WDR41: variants seen among roughly 807,000 people sequenced by gnomAD.
WDR41 encodes the protein WD repeat domain 41.
In WDR41, 63 loss-of-function variants were observed where a neutral mutation model predicts 69.3. The observed-to-expected ratio is 0.91, with a 90% CI of 0.74 to 1.12. The LOEUF (loss-of-function observed/expected upper bound fraction) is 1.12, where lower values mean the gene tolerates loss of function less well. WDR41 is among the 50% of genes most tolerant of loss of function. WDR41 has a pLI of 0.00. For synonymous variants in WDR41, 185 were observed against 192.1 expected, an observed-to-expected ratio of 0.96 and a Z score of 0.31; for missense variants, 543 against 534.5, an observed-to-expected ratio of 1.02 and a Z score of -0.16.
chr5:77,483,444 C>A (rs1801371431), intron 2 of WDR41, among the ~76,000 whole-genome samples: 1 of 151,526 alleles, frequency 6.6e-6, no homozygotes, highest in Non-Finnish European at 1.5e-5. Flanking sequence ...CAGCCTAAGC[C>A]CAAGTTTTAA....
chr5:77,563,565 G>T (rs534102335), intron 1 of WDR41, among the ~76,000 whole-genome samples: 2 of 152,088 alleles, frequency 1.3e-5, no homozygotes, highest in South Asian at 4.1e-4. Flanking sequence ...TTGCTTTTAT[G>T]GCCCTTTGAT....
intron 2 of WDR41, among the ~76,000 whole-genome samples, chr5:77,468,980 T>A (rs1235653507): frequency 6.6e-6 from 1 of 152,122 alleles, no homozygotes; most frequent in Non-Finnish European, 1.5e-5. Context: ...AAAAGTTGTC[T>A]CTCTTCAACC....
intron 3 of WDR41, 96 bp from the exon 4 acceptor site, chr5:77,463,322 T>A: frequency 9.1e-7 from 1 of 1,096,614 alleles, no homozygotes; most frequent in Non-Finnish European, 1.2e-6. Flanking sequence ...AGAAGATACA[T>A]ATACATTCCA....
chr5:77,546,819 A>G (rs1175159398), intron 1 of WDR41, among the ~76,000 whole-genome samples: 1 of 152,124 alleles, frequency 6.6e-6, no homozygotes, highest in Non-Finnish European at 1.5e-5. Context: ...GGACATAACC[A>G]AAAGTGAAAA....
intron 1 of WDR41, among the ~76,000 whole-genome samples, chr5:77,581,140 A>G (rs986805790): frequency 1.1e-4 from 17 of 152,062 alleles, no homozygotes; most frequent in Admixed American, 3.9e-4. Flanking sequence ...ATAGAAATAG[A>G]TTGAAAGTAA....
At chr5:77,469,605 A>G (rs1561749501) in intron 2 of WDR41, among the ~76,000 whole-genome samples, 1 of 152,192 alleles carries the variant, frequency 6.6e-6, no homozygotes, top group Non-Finnish European at 1.5e-5. Flanking sequence ...TGATGTTAAC[A>G]CCCATCAATA....
At chr5:77,480,411 C>T (rs1288505750) in intron 2 of WDR41, among the ~76,000 whole-genome samples, 3 of 152,062 alleles carry the variant, frequency 2.0e-5, no homozygotes, top group Non-Finnish European at 2.9e-5. Context: ...ATAGCAAGGA[C>T]TTGGAACCAA....
At chr5:77,449,927 ACTC>A (rs10582448) in intron 7 of WDR41, 57 bp from the exon 8 acceptor site, 45,825 of 1,142,914 alleles carry the variant, frequency 0.04, 1,129 homozygotes, top group Middle Eastern at 0.084. Context: ...ATAAAATACT[ACTC>A]CTGCTCTAAA....
intron 1 of WDR41, among the ~76,000 whole-genome samples, chr5:77,526,402 T>C (rs1446585030): frequency 1.3e-5 from 2 of 152,148 alleles, no homozygotes; most frequent in African/African-American, 2.4e-5. Flanking sequence ...TTTCCTTATT[T>C]GTCTCAAAAA....
chr5:77,595,169 C>T (rs1481625461), intron 1 of WDR41, among the ~76,000 whole-genome samples: 1 of 152,072 alleles, frequency 6.6e-6, no homozygotes, highest in East Asian at 1.9e-4. Context: ...GCTTCATTTG[C>T]TATAAAGTCT....
chr5:77,480,878 T>C (rs1217013528), intron 2 of WDR41, among the ~76,000 whole-genome samples: 2 of 151,814 alleles, frequency 1.3e-5, no homozygotes, highest in East Asian at 3.9e-4. Context: ...TCTGTGTGAC[T>C]TCTATTAGGT....
At chr5:77,434,439 AAC>A (rs1203692860) in intron 12 of WDR41, among the ~76,000 whole-genome samples, 2 of 152,122 alleles carry the variant, frequency 1.3e-5, no homozygotes, top group Non-Finnish European at 2.9e-5. Context: ...GAAACTGGAA[AAC>A]ACAAAATTCA....
intron 2 of WDR41, among the ~76,000 whole-genome samples, chr5:77,475,858 C>T (rs999570207): frequency 7.2e-5 from 11 of 151,910 alleles, no homozygotes; most frequent in East Asian, 3.9e-4. Flanking sequence ...AGGCTTCAGA[C>T]GATGAAATTA....
intron 1 of WDR41, among the ~76,000 whole-genome samples, chr5:77,570,570 A>C (rs1222676298): frequency 6.7e-6 from 1 of 149,876 alleles, no homozygotes; most frequent in Non-Finnish European, 1.5e-5. Context: ...TATAGTGTTG[A>C]AAGTTTATAT....
intron 1 of WDR41, among the ~76,000 whole-genome samples, chr5:77,580,920 C>T (rs1372181822): frequency 6.6e-6 from 1 of 151,810 alleles, no homozygotes; most frequent in African/African-American, 2.4e-5. Flanking sequence ...TGCACTACTG[C>T]ACTCCAGCCT....
At chr5:77,495,795 C>T (rs1262747836), upstream of WDR41, among the ~76,000 whole-genome samples, 1 of 99,964 alleles carries the variant, frequency 1.0e-5, no homozygotes, top group Non-Finnish European at 1.8e-5. Flanking sequence ...GATACCAAAA[C>T]CAGAAAAAAA....
intron 2 of WDR41, 41 bp from the exon 3 acceptor site, chr5:77,464,850 G>A: frequency 6.3e-7 from 1 of 1,591,442 alleles, no homozygotes; most frequent in Non-Finnish European, 8.6e-7. Context: ...AATCACTGGT[G>A]ACATTTAATT....
At chr5:77,468,485 A>G (rs7703460) in intron 2 of WDR41, among the ~76,000 whole-genome samples, 18,540 of 152,224 alleles carry the variant, frequency 0.12, 1,531 homozygotes, top group African/African-American at 0.24. Flanking sequence ...TGAAAACTAC[A>G]GCAAAGCTTA....
intron 1 of WDR41, among the ~76,000 whole-genome samples, chr5:77,575,019 A>C (rs1743804387): frequency 6.6e-6 from 1 of 152,216 alleles, no homozygotes; most frequent in Non-Finnish European, 1.5e-5. Context: ...GCCTCTATCC[A>C]TGGGAGAACA....
Sources: gnomAD v4.1 joint callset for allele counts (sites outside exome capture counted in the v4.1 genomes callset) on GRCh38, gnomAD v4.1.1 for gene constraint, MANE v1.5 for transcripts, NCBI Gene and HGNC (gene_info 2026-07-23, HGNC 2026-07-21) for gene names.